The following TBCD variants were observed in gnomAD, a reference collection of about 807,000 sequenced individuals.
TBCD encodes the protein tubulin folding cofactor D, also known as tubulin-specific chaperone D.
A neutral mutation model predicts 169.3 loss-of-function variants in TBCD; 105 were observed. That is an observed-to-expected ratio of 0.62 (90% CI 0.53 to 0.73). The LOEUF (loss-of-function observed/expected upper bound fraction) is 0.73. Ranked by LOEUF, TBCD falls within the 30% of genes least tolerant of loss-of-function variation. TBCD has a pLI of 0.00. For synonymous variants in TBCD, 700 were observed against 643.9 expected, an observed-to-expected ratio of 1.09 and a Z score of -1.32; for missense variants, 1,444 against 1,600.1, an observed-to-expected ratio of 0.90 and a Z score of 1.66.
chr17:82,882,280 C>T (rs2058410396), intron 14 of TBCD, among the ~76,000 whole-genome samples: 1 of 152,250 alleles, frequency 6.6e-6, no homozygotes, highest in African/African-American at 2.4e-5. Flanking sequence ...CTCCTGCCTC[C>T]TTCAGTCTGT....
intron 34 of TBCD, among the ~76,000 whole-genome samples, chr17:82,934,205 G>A (rs912918423): frequency 6.6e-6 from 1 of 152,204 alleles, no homozygotes; most frequent in Non-Finnish European, 1.5e-5. Context: ...TTCTCACCAC[G>A]GGCTTCCCGC....
intron 5 of TBCD, among the ~76,000 whole-genome samples, chr17:82,769,024 A>G (rs1319002355): frequency 1.3e-5 from 2 of 152,268 alleles, no homozygotes; most frequent in Admixed American, 1.3e-4. Flanking sequence ...TATTATGCAT[A>G]TAAACACAGC....
intron 12 of TBCD, among the ~76,000 whole-genome samples, chr17:82,811,592 C>T (rs1479768914): frequency 1.3e-5 from 2 of 152,232 alleles, no homozygotes; most frequent in African/African-American, 2.4e-5. Context: ...TGGTCAGTGC[C>T]TGCCTTCCCT....
chr17:82,895,658 G>A (rs1019184470), intron 17 of TBCD, among the ~76,000 whole-genome samples: 8 of 152,146 alleles, frequency 5.3e-5, no homozygotes, highest in Non-Finnish European at 1.2e-4. Flanking sequence ...AGTTGCCAGG[G>A]CATTACAGAG....
Position 82,833,847 on chromosome 17 carries a change from C to T in TBCD, c.1318+18913C>T, listed in dbSNP as rs555807933. 2.8e-4 allele frequency among the ~76,000 whole-genome samples: 42 copies of T among 152,318 alleles called. No individual in the cohort carries two copies. Among genetic ancestry groups the T allele is most frequent in the African/African-American group, 9.9e-4 (41 of 41,562 alleles). ...CTGTGTGTGTGATGTCAGAGCTGGC[C>T]TGCTCTTTTGGATTCTTCCAGAGGG... On this transcript the variant is annotated intron_variant, in intron 13 of 38. Coordinates refer to ENST00000355528, the MANE Select transcript of TBCD (RefSeq NM_005993.5). This position sits in a 1 kb window ranked among gnomAD's most constrained non-coding sequence, Gnocchi z 4.7.
intron 13 of TBCD, among the ~76,000 whole-genome samples, chr17:82,827,698 C>A (rs772089986): frequency 6.6e-6 from 1 of 152,170 alleles, no homozygotes; most frequent in Non-Finnish European, 1.5e-5. Context: ...AGATAGCACA[C>A]ACCCACACAA....
intron 16 of TBCD, among the ~76,000 whole-genome samples, chr17:82,892,563 T>C (rs2059216619): frequency 6.6e-6 from 1 of 152,142 alleles, no homozygotes; most frequent in Non-Finnish European, 1.5e-5. Context: ...CCCCGGGTGT[T>C]CTCAGGAGTG....
chr17:82,929,039 C>G lies in TBCD; in HGVS notation c.2694-74C>G, dbSNP rs1003659824. ...CTTGGGCTGGAGTCACGGCTCGGAC[C>G]GCCTGTGCTCAGTTTACCGCCCGCT... On this transcript the variant is annotated intron_variant, in intron 30 of 38. Coordinates refer to ENST00000355528, the MANE Select transcript of TBCD (RefSeq NM_005993.5). The G allele has an allele frequency of 4.6e-6, 7 of 1,535,602 alleles. No homozygotes were observed. In the African/African-American group the frequency reaches 8.2e-5, roughly 18 times the overall value.
intron 23 of TBCD, 92 bp downstream of exon 23, chr17:82,911,881 G>A: frequency 7.2e-7 from 1 of 1,380,080 alleles, no homozygotes; most frequent in Admixed American, 1.9e-5. Context: ...CGGCCCATTA[G>A]CCCCCAGGGT....
intron 14 of TBCD, among the ~76,000 whole-genome samples, chr17:82,875,705 GTCTTGTTCTCCC>G (rs2057921424): frequency 6.6e-6 from 1 of 152,238 alleles, no homozygotes; most frequent in African/African-American, 2.4e-5. Flanking sequence ...TCAGAGCTAC[GTCTTGTTCTCCC>G]TCACCGGTGT....
intron 6 of TBCD, among the ~76,000 whole-genome samples, chr17:82,773,230 T>A (rs1413135125): frequency 6.6e-6 from 1 of 152,222 alleles, no homozygotes; most frequent in Non-Finnish European, 1.5e-5. Context: ...CAGCGTCACC[T>A]TCACTCGGGT....
chr17:82,842,504 C>G (rs1255954787), intron 13 of TBCD, among the ~76,000 whole-genome samples: 1 of 152,136 alleles, frequency 6.6e-6, no homozygotes, highest in Non-Finnish European at 1.5e-5. Flanking sequence ...TCCCCGTCAC[C>G]CAGGGGGTTT....
chr17:82,844,692 G>A (rs74002581), intron 13 of TBCD, among the ~76,000 whole-genome samples: 1,558 of 152,172 alleles, frequency 0.01, 20 homozygotes, highest in African/African-American at 0.035. Flanking sequence ...AAAAGAAAAT[G>A]GTCCGTTTCT....
chr17:82,940,217 G>GCACACACACACA (rs576338657), intron 37 of TBCD, among the ~76,000 whole-genome samples: 4 of 101,452 alleles, frequency 3.9e-5, no homozygotes, highest in Admixed American at 1.0e-4. Flanking sequence ...TCACTTGCAC[G>GCACACACACACA]CGCGCACACA....
chr17:82,942,452 G>T lies in TBCD; in HGVS notation c.3568G>T (p.Gly1190Cys). The T allele has an allele frequency of 6.2e-7, 1 of 1,613,968 alleles. No homozygotes were observed. Among genetic ancestry groups the T allele is most frequent in the Non-Finnish European group, 8.5e-7 (1 of 1,179,884 alleles). ...GCTTGTCTTGTCTCTTCTTCAGCCTGGTGCCTGCTGAAGCCAGTCCTGGAG... is the reference window on the plus strand; with the variant it reads ...GCTTGTCTTGTCTCTTCTTCAGCCTTGTGCCTGCTGAAGCCAGTCCTGGAG... ...VPRPQLVPQP[G>C]AC Residue 1190 changes from glycine to cysteine, a missense_variant, in exon 39 of 39, where the codon GGT becomes TGT. Physicochemically the swap from Gly to Cys is radical, Grantham distance 159. Transcript: ENST00000355528.
In TBCD at chr17:82,792,857, G is replaced by A. The variant is rs116188859; in HGVS notation, c.772-4900G>A. 8.8e-3 allele frequency among the ~76,000 whole-genome samples: 1,342 copies of A among 152,176 alleles called. 16 individuals are homozygous for A. The highest frequency in any genetic ancestry group is 0.031 in the African/African-American group (1,300 of 41,486). On this transcript the variant is annotated intron_variant, in intron 7 of 38. Transcript: ENST00000355528. ...AGCTCACTGCAACCTCCACCTCCCG[G>A]GCTGAAGTCATCCTCCCCCCTCAGC...
rs910737458 is a variant in TBCD at position 82,915,273 on chromosome 17, C to T, written c.2038+3484C>T. 2.6e-5 allele frequency among the ~76,000 whole-genome samples: 4 copies of T among 152,136 alleles called. No homozygotes were observed. The highest frequency in any genetic ancestry group is 7.2e-5 in the African/African-American group (3 of 41,420). On this transcript the variant is annotated intron_variant, in intron 23 of 38. Transcript: ENST00000355528. This position sits in a 1 kb window ranked among gnomAD's most constrained non-coding sequence, Gnocchi z 4.3. ...CTGGCCGCAGGTGCCCCGGAGGTGT[C>T]GAACCGCAGATTTCTTCAGACGTTT... is the stretch of plus-strand genomic sequence containing the variant.
At chr17:82,887,162 TGTGTGTGCGC>T (rs1254031017) in intron 15 of TBCD, among the ~76,000 whole-genome samples, 6 of 107,318 alleles carry the variant, frequency 5.6e-5, no homozygotes, top group Non-Finnish European at 9.6e-5. Context: ...TGTGTGTGTG[TGTGTGTGCGC>T]GCGCGCGCAC....
At chr17:82,908,478 TA>T (rs2060399900) in intron 21 of TBCD, 3 of 420,862 alleles carry the variant, frequency 7.1e-6, no homozygotes, top group Admixed American at 5.6e-5. Context: ...CAGGAGAATA[TA>T]AAAATTGTTC....
Sources: gnomAD v4.1 joint callset for allele counts (sites outside exome capture counted in the v4.1 genomes callset) on GRCh38, gnomAD v4.1.1 for gene constraint, Gnocchi (gnomAD v3.1) non-coding constraint, MANE v1.5 for transcripts, NCBI Gene and HGNC (gene_info 2026-07-23, HGNC 2026-07-21) for gene names.